Variants in FYB1 observed in about 807,000 individuals in gnomAD.
FYB1 encodes the protein FYN-binding protein 1.
FYB1 carries 41 observed loss-of-function variants against 94.1 expected under a neutral mutation model. That is an observed-to-expected ratio of 0.44 (90% CI 0.34 to 0.57). The LOEUF is 0.57. Among genes scored for constraint, FYB1 ranks in the 20% least tolerant of loss-of-function variants. The pLI, the probability that FYB1 is intolerant of heterozygous loss-of-function variation, is 0.02. For missense variants in FYB1, 1,050 were observed against 976.8 expected, an observed-to-expected ratio of 1.07 and a Z score of -1.00; for synonymous variants, 367 against 353.2, an observed-to-expected ratio of 1.04 and a Z score of -0.44.
At chr5:39,166,586 A>T (rs1744760568) in intron 2 of FYB1, among the ~76,000 whole-genome samples, 1 of 152,232 alleles carries the variant, frequency 6.6e-6, no homozygotes, top group African/African-American at 2.4e-5. Context: ...GATGACACTG[A>T]TAAAGAAAAT....
intron 1 of FYB1, among the ~76,000 whole-genome samples, chr5:39,243,908 G>T (rs1320897315): frequency 6.6e-6 from 1 of 152,134 alleles, no homozygotes; most frequent in Non-Finnish European, 1.5e-5. Context: ...AAGCAATTGT[G>T]AATGGGAGTT....
chr5:39,147,346 T>C (rs574184729), intron 3 of FYB1, among the ~76,000 whole-genome samples: 1 of 151,992 alleles, frequency 6.6e-6, no homozygotes, highest in East Asian at 1.9e-4. Context: ...CATGGCTCAC[T>C]GCAGGCTGGA....
At chr5:39,205,936 T>C (rs545799480) in intron 1 of FYB1, among the ~76,000 whole-genome samples, 1 of 152,324 alleles carries the variant, frequency 6.6e-6, no homozygotes, top group East Asian at 1.9e-4. Flanking sequence ...AATTCTTAGA[T>C]AAGAATTGCA....
chr5:39,108,994 C>G (rs1352732879), intron 17 of FYB1, among the ~76,000 whole-genome samples: 1 of 151,998 alleles, frequency 6.6e-6, no homozygotes, highest in Non-Finnish European at 1.5e-5. Flanking sequence ...ACCTTATAAT[C>G]AAACAGGAGA....
At chr5:39,112,129 A>T (rs1420299302) in intron 16 of FYB1, among the ~76,000 whole-genome samples, 1 of 151,968 alleles carries the variant, frequency 6.6e-6, no homozygotes, top group Non-Finnish European at 1.5e-5. Context: ...TTTAGAACAA[A>T]TTGTGGATTT....
At chr5:39,127,059 C>CA (rs200980181) in intron 11 of FYB1, among the ~76,000 whole-genome samples, 5,047 of 76,718 alleles carry the variant, frequency 0.066, 221 homozygotes, top group Middle Eastern at 0.097. Flanking sequence ...ACTCAGGTCT[C>CA]AAAAAAAAAA....
At chr5:39,208,115 C>A (rs1204057418) in intron 1 of FYB1, among the ~76,000 whole-genome samples, 1 of 152,052 alleles carries the variant, frequency 6.6e-6, no homozygotes, top group East Asian at 1.9e-4. Flanking sequence ...TTAAAGTTGC[C>A]CACCTTTGAA....
At chr5:39,178,309 C>T (rs1198385931) in intron 2 of FYB1, among the ~76,000 whole-genome samples, 1 of 152,178 alleles carries the variant, frequency 6.6e-6, no homozygotes, top group African/African-American at 2.4e-5. Context: ...CATGTGTGAA[C>T]ATCCTGCAGA....
intron 1 of FYB1, among the ~76,000 whole-genome samples, chr5:39,247,105 T>TATATATATAC (rs1751514094): frequency 7.0e-6 from 1 of 141,994 alleles, no homozygotes; most frequent in African/African-American, 2.6e-5. Context: ...TATATATATA[T>TATATATATAC]ATATATATAT....
chr5:39,266,852 C>T (rs150130997), intron 1 of FYB1, among the ~76,000 whole-genome samples: 1 of 152,180 alleles, frequency 6.6e-6, no homozygotes, highest in Non-Finnish European at 1.5e-5. Flanking sequence ...ATCCTCAAGC[C>T]TACCAGACAT....
chr5:39,208,220 G>C (rs1371308213), intron 1 of FYB1, among the ~76,000 whole-genome samples: 1 of 152,122 alleles, frequency 6.6e-6, no homozygotes, highest in Non-Finnish European at 1.5e-5. Context: ...TGGAAGCCAG[G>C]TTTTACCTCC....
intron 1 of FYB1, among the ~76,000 whole-genome samples, chr5:39,218,477 G>T (rs1407155359): frequency 6.6e-6 from 1 of 152,054 alleles, no homozygotes; most frequent in Non-Finnish European, 1.5e-5. Flanking sequence ...TCACCCTTCC[G>T]GTGATAAGCC....
upstream of FYB1, among the ~76,000 whole-genome samples, chr5:39,221,237 C>T (rs575087366): frequency 6.6e-6 from 1 of 152,136 alleles, no homozygotes; most frequent in African/African-American, 2.4e-5. Context: ...GCTGTGGGGG[C>T]CTGAGCTCTT....
intron 2 of FYB1, among the ~76,000 whole-genome samples, chr5:39,171,296 A>C (rs1174703648): frequency 6.6e-6 from 1 of 152,130 alleles, no homozygotes; most frequent in East Asian, 1.9e-4. Flanking sequence ...CAAAAAAAAA[A>C]AAGTAAACCC....
At chr5:39,143,714 A>T (rs1742389202) in intron 3 of FYB1, among the ~76,000 whole-genome samples, 1 of 152,200 alleles carries the variant, frequency 6.6e-6, no homozygotes. Flanking sequence ...TTATCACTAA[A>T]ACCATAAAAT....
At position 39,202,076 on chromosome 5, in the gene FYB1, G is replaced by T. The variant is rs948514901; in HGVS notation, c.885C>A (p.Phe295Leu). 16 of 1,613,906 alleles carry T rather than the reference G, an allele frequency of 9.9e-6. No individual in the cohort carries two copies. The African/African-American group carries it at 1.5e-4, about 15-fold the overall frequency. The change falls in exon 2 of 19, where the codon TTC becomes TTA. Residue 295 changes from phenylalanine (F) to leucine (L), a missense_variant. Phe to Leu is a conservative substitution (Grantham distance 22). Coordinates refer to ENST00000512982, the MANE Select transcript of FYB1 (RefSeq NM_001465.6). ...DRKIDAAKNTFQSKINQEELA... is the reference protein window; with the variant it reads ...DRKIDAAKNTLQSKINQEELA... The stretch of plus-strand genomic sequence containing the variant: ...ACTCTTCCTGATTTATTTTGCTCTG[G>T]AAGGTGTTCTTAGCAGCATCTATCT...
intron 1 of FYB1, among the ~76,000 whole-genome samples, chr5:39,273,036 G>A (rs1008417255): frequency 1.3e-5 from 2 of 152,172 alleles, no homozygotes; most frequent in African/African-American, 2.4e-5. Context: ...GGGCGCCTCC[G>A]CCCGGCCAGC....
chr5:39,124,143 T>A (rs1740396858), intron 13 of FYB1, 110 bp downstream of exon 13: 1 of 750,620 alleles, frequency 1.3e-6, no homozygotes, highest in African/African-American at 1.9e-5. Context: ...CTACACAATT[T>A]ATTATTTTCA....
intron 1 of FYB1, among the ~76,000 whole-genome samples, chr5:39,272,472 G>A (rs898699138): frequency 2.7e-5 from 4 of 150,444 alleles, no homozygotes; most frequent in Admixed American, 2.0e-4. Flanking sequence ...AAACCATCCT[G>A]GCTAACACGG....
Sources: allele counts gnomAD v4.1 joint callset (sites outside exome capture counted in the v4.1 genomes callset), GRCh38; gene constraint gnomAD v4.1.1; transcripts MANE v1.5; gene names NCBI Gene and HGNC (gene_info 2026-07-23, HGNC 2026-07-21).